Variants in GPR89B observed in about 807,000 individuals in gnomAD.
The protein encoded by GPR89B is golgi pH regulator B, also known as G protein-coupled receptor 89B.
GPR89B carries 25 observed loss-of-function variants against 52.4 expected under a neutral mutation model. That is an observed-to-expected ratio of 0.48 (90% CI 0.35 to 0.67). The LOEUF is 0.67. Ranked by LOEUF, GPR89B falls within the 30% of genes least tolerant of loss-of-function variation. GPR89B has a pLI of 0.01. For missense variants in GPR89B, 146 were observed against 450.2 expected, an observed-to-expected ratio of 0.32 and a Z score of 6.11; for synonymous variants, 52 against 151.2, an observed-to-expected ratio of 0.34 and a Z score of 4.81.
At chr1:147,955,307 C>T (rs1656037177) in intron 7 of GPR89B, among the ~76,000 whole-genome samples, 1 of 152,004 alleles carries the variant, frequency 6.6e-6, no homozygotes, top group African/African-American at 2.4e-5. Context: ...TTTTCTGTTG[C>T]TGCACATATA....
the GPR89B span, among the ~76,000 whole-genome samples, chr1:148,004,282 G>T: frequency 8.0e-5 from 12 of 150,762 alleles, no homozygotes; most frequent in South Asian, 2.3e-3. Flanking sequence ...TCAGCCTCCC[G>T]AGTACCTGGG....
intron 5 of GPR89B, among the ~76,000 whole-genome samples, chr1:147,949,773 G>T (rs1254749223): frequency 3.5e-5 from 5 of 141,206 alleles, no homozygotes; most frequent in Non-Finnish European, 7.7e-5. Context: ...TCACCTCCCG[G>T]AGAGACGGCT....
At chr1:147,940,221 GT>G (rs1164509975) in intron 3 of GPR89B, among the ~76,000 whole-genome samples, 17 of 151,842 alleles carry the variant, frequency 1.1e-4, no homozygotes, top group Non-Finnish European at 1.5e-4. Flanking sequence ...GGCTAACATG[GT>G]GAAACCCCGT....
chr1:148,020,786 C>T, the GPR89B span, among the ~76,000 whole-genome samples: 2 of 151,946 alleles, frequency 1.3e-5, no homozygotes, highest in Admixed American at 6.5e-5. Flanking sequence ...CTTCCAGGCT[C>T]AAGAGATTCT....
chr1:148,002,482 G>C, the GPR89B span, among the ~76,000 whole-genome samples: 1 of 152,040 alleles, frequency 6.6e-6, no homozygotes, highest in Non-Finnish European at 1.5e-5. Flanking sequence ...GTCACTTCCT[G>C]GTGCAACAGA....
At chr1:147,943,567 C>T (rs782062946) in intron 4 of GPR89B, 23 bp downstream of exon 4, 1 of 1,612,990 alleles carries the variant, frequency 6.2e-7, no homozygotes, top group East Asian at 2.2e-5. Flanking sequence ...CCCTCTCAGT[C>T]AGCGTATAGA....
chr1:147,982,135 C>T (rs1484947273), intron 10 of GPR89B, among the ~76,000 whole-genome samples: 12 of 151,904 alleles, frequency 7.9e-5, no homozygotes, highest in Non-Finnish European at 1.8e-4. Flanking sequence ...TCTCAGCTCA[C>T]TGCAACTTCC....
intron 2 of GPR89B, 92 bp downstream of exon 2, chr1:147,936,778 A>C: frequency 3.1e-6 from 3 of 977,772 alleles, no homozygotes; most frequent in Non-Finnish European, 4.8e-6. Flanking sequence ...GTTCATTTCC[A>C]AGATAGGAAG....
chr1:147,980,842 A>G (rs1421925366), intron 10 of GPR89B, among the ~76,000 whole-genome samples: 23 of 149,346 alleles, frequency 1.5e-4, no homozygotes, highest in Admixed American at 1.5e-3. Context: ...AAAAAAAAAA[A>G]AAAAGAAATT....
At chr1:147,948,287 G>A (rs1655179433) in intron 5 of GPR89B, among the ~76,000 whole-genome samples, 2 of 152,054 alleles carry the variant, frequency 1.3e-5, no homozygotes, top group South Asian at 4.1e-4. Context: ...AGACCTTGGT[G>A]TATTCAAGGA....
At chr1:148,021,499 G>T in the GPR89B span, among the ~76,000 whole-genome samples, 1 of 151,552 alleles carries the variant, frequency 6.6e-6, no homozygotes, top group Non-Finnish European at 1.5e-5. Flanking sequence ...GAGACTCCCC[G>T]AAAGGAGAGA....
intron 5 of GPR89B, among the ~76,000 whole-genome samples, chr1:147,952,692 C>T (rs1553251256): frequency 6.6e-6 from 1 of 151,898 alleles, no homozygotes; most frequent in African/African-American, 2.4e-5. Context: ...CTCATTTATC[C>T]CAAATACATC....
At chr1:147,932,355 G>A (rs4950350) in intron 1 of GPR89B, among the ~76,000 whole-genome samples, 6,615 of 151,616 alleles carry the variant, frequency 0.044, 209 homozygotes, top group African/African-American at 0.074. Flanking sequence ...TCATGTATAT[G>A]TAAGTCCACA....
rs1654715856 is a variant in GPR89B at position 147,943,480 on chromosome 1, G to A, written c.249G>A (p.Leu83=). ...GGAAAATGAACCTGTGTGTAATTCT[G>A]CTGATCCTGGTTTTCATGGTGCCTT... The part of the protein sequence containing the change: ...FHWKMNLCVI[L]LILVFMVPFY... The change falls in exon 4 of 14, where the codon CTG becomes CTA. Residue 83 remains leucine, a synonymous_variant. Transcript: ENST00000314163. 6.2e-7 allele frequency: 1 copy of A among 1,612,462 alleles called. No individual in the cohort carries two copies. Among genetic ancestry groups the A allele is most frequent in the Non-Finnish European group, 8.5e-7 (1 of 1,179,342 alleles).
chr1:148,007,109 T>A, the GPR89B span, among the ~76,000 whole-genome samples: 1 of 146,216 alleles, frequency 6.8e-6, no homozygotes, highest in Non-Finnish European at 1.5e-5. Context: ...GGAGTCTTGC[T>A]TTATCGCCCA....
At chr1:148,018,834 T>G in the GPR89B span, among the ~76,000 whole-genome samples, 2 of 151,096 alleles carry the variant, frequency 1.3e-5, no homozygotes, top group Admixed American at 1.3e-4. Flanking sequence ...ACCCAGCTAA[T>G]TTTGTATTTT....
At chr1:147,983,555 C>A (rs1455849354) in intron 10 of GPR89B, among the ~76,000 whole-genome samples, 31 of 150,730 alleles carry the variant, frequency 2.1e-4, no homozygotes, top group Non-Finnish European at 3.9e-4. Flanking sequence ...ACATTTATGA[C>A]GCCAAAAAAC....
chr1:148,015,299 CTCTCTCTCTCT>C, the GPR89B span, among the ~76,000 whole-genome samples: 2 of 110,884 alleles, frequency 1.8e-5, no homozygotes, highest in African/African-American at 3.9e-5. Flanking sequence ...TAGGATCTCT[CTCTCTCTCTCT>C]CTCTCTCTCT....
intron 1 of GPR89B, among the ~76,000 whole-genome samples, chr1:147,934,141 CT>C (rs1263637066): frequency 6.6e-6 from 1 of 151,238 alleles, no homozygotes; most frequent in African/African-American, 2.4e-5. Flanking sequence ...CCTCCTACCC[CT>C]ACCACCTGTT....
Sources: gnomAD v4.1 joint callset for allele counts (sites outside exome capture counted in the v4.1 genomes callset) on GRCh38, gnomAD v4.1.1 for gene constraint, MANE v1.5 for transcripts, NCBI Gene and HGNC (gene_info 2026-07-23, HGNC 2026-07-21) for gene names.